Variants in MAP4K4 observed in about 807,000 individuals in gnomAD.
MAP4K4 encodes HPK/GCK-like kinase HGK.
In MAP4K4, 38 loss-of-function variants were observed where a neutral mutation model predicts 189.6. The observed-to-expected ratio is 0.20, with a 90% confidence interval of 0.15 to 0.26. The LOEUF is 0.26. MAP4K4 is among the 10% of genes least tolerant of loss of function. MAP4K4 has a pLI of 1.00. For missense variants in MAP4K4, 1,054 were observed against 1,726.9 expected (o/e 0.61, Z 6.91); for synonymous variants, 610 against 624.3 (o/e 0.98, Z 0.34).
chr2:101,890,694 G>A (rs994518887), intron 32 of MAP4K4, among the ~76,000 whole-genome samples: 1 of 151,814 alleles, frequency 6.6e-6, no homozygotes, highest in African/African-American at 2.4e-5. Flanking sequence ...TGACCTCATG[G>A]TCCGCCTACG....
At chr2:101,863,086 A>AT (rs2097712932) in intron 16 of MAP4K4, among the ~76,000 whole-genome samples, 2 of 152,308 alleles carry the variant, frequency 1.3e-5, no homozygotes, top group Admixed American at 1.3e-4. Context: ...TAATTGTCAT[A>AT]TTTTTGTAAT....
intron 2 of MAP4K4, among the ~76,000 whole-genome samples, chr2:101,700,170 G>T (rs969488778): frequency 2.0e-5 from 3 of 152,194 alleles, no homozygotes; most frequent in Non-Finnish European, 2.9e-5. Context: ...AAGCTAGAAG[G>T]CGATATAGTC....
At chr2:101,821,443 G>A (rs927968903) in intron 3 of MAP4K4, among the ~76,000 whole-genome samples, 2 of 152,168 alleles carry the variant, frequency 1.3e-5, no homozygotes, top group African/African-American at 4.8e-5. Flanking sequence ...CTGCAGACAT[G>A]TACAATATGC....
At chr2:101,860,215 T>G (rs555580712) in intron 15 of MAP4K4, 1 of 332,022 alleles carries the variant, frequency 3.0e-6, no homozygotes, top group African/African-American at 2.1e-5. Flanking sequence ...AAAGCTAAAG[T>G]GTGCCTGTGG....
At chr2:101,803,277 G>T (rs1444783369) in intron 3 of MAP4K4, among the ~76,000 whole-genome samples, 1 of 145,140 alleles carries the variant, frequency 6.9e-6, no homozygotes, top group South Asian at 2.1e-4. Context: ...GTATGTGTGT[G>T]TGTGTTTGTG....
exon 33 of MAP4K4, chr2:101,892,651 A>G: frequency 3.1e-6 from 1 of 320,856 alleles, no homozygotes; most frequent in South Asian, 2.5e-5. Context: ...AATTCTGCTT[A>G]TTCATAAAGT....
chr2:101,887,164 A>G (rs778889965), exon 30 of MAP4K4: 1 of 1,611,538 alleles, frequency 6.2e-7, no homozygotes, highest in Non-Finnish European at 8.5e-7. Flanking sequence ...AAAGTGATCT[A>G]TGGATCCTGT....
At chr2:101,841,192 C>A (rs140548248) in intron 10 of MAP4K4, among the ~76,000 whole-genome samples, 62 of 152,298 alleles carry the variant, frequency 4.1e-4, no homozygotes, top group African/African-American at 1.5e-3. Context: ...GTCACAGTGA[C>A]CTCTTCATTT....
intron 3 of MAP4K4, among the ~76,000 whole-genome samples, chr2:101,816,651 T>A (rs2095738569): frequency 6.6e-6 from 1 of 152,080 alleles, no homozygotes. Context: ...CTCCTTTTGC[T>A]CCGGGAATGA....
At chr2:101,864,873 T>C in intron 17 of MAP4K4, 57 bp from the exon 18 acceptor site, 1 of 1,119,544 alleles carries the variant, frequency 8.9e-7, no homozygotes, top group Non-Finnish European at 1.3e-6. Flanking sequence ...GGTAGGGAAG[T>C]ATTTTTTTTC....
chr2:101,824,014 C>T (rs558001974), exon 4 of MAP4K4: 2 of 1,605,098 alleles, frequency 1.2e-6, no homozygotes, highest in African/African-American at 2.7e-5. Context: ...ATGGTGCTTT[C>T]ATCAAAAAGA....
chr2:101,710,033 CCT>C (rs1382870050), intron 2 of MAP4K4, among the ~76,000 whole-genome samples: 9 of 152,254 alleles, frequency 5.9e-5, no homozygotes, highest in East Asian at 1.9e-4. Context: ...CCCTTCTCCC[CCT>C]GAGTTTTTCT....
At chr2:101,710,915 G>T (rs535079154) in intron 2 of MAP4K4, among the ~76,000 whole-genome samples, 2 of 152,142 alleles carry the variant, frequency 1.3e-5, no homozygotes, top group Non-Finnish European at 2.9e-5. Context: ...CATTCAGTTT[G>T]CCTTGAGCCA....
chr2:101,711,682 G>A (rs1271698636), intron 2 of MAP4K4, among the ~76,000 whole-genome samples: 2 of 151,908 alleles, frequency 1.3e-5, no homozygotes, highest in Non-Finnish European at 2.9e-5. Context: ...ACTGGAAAAT[G>A]GGACTTTGTA....
intron 13 of MAP4K4, among the ~76,000 whole-genome samples, chr2:101,857,621 A>G (rs910114183): frequency 1.3e-5 from 2 of 152,214 alleles, no homozygotes; most frequent in Non-Finnish European, 2.9e-5. Flanking sequence ...AGCATGTACC[A>G]TGGAGGGTCA....
chr2:101,766,543 A>G (rs2078696897), intron 2 of MAP4K4, among the ~76,000 whole-genome samples: 1 of 151,910 alleles, frequency 6.6e-6, no homozygotes, highest in African/African-American at 2.4e-5. Flanking sequence ...TGGTTGGGTA[A>G]TTTTGGAGGA....
intron 3 of MAP4K4, among the ~76,000 whole-genome samples, chr2:101,819,443 A>G (rs2095908636): frequency 6.6e-6 from 1 of 152,194 alleles, no homozygotes; most frequent in Admixed American, 6.5e-5. Context: ...TCAAGTGGGC[A>G]CTCATAATTG....
intron 2 of MAP4K4, among the ~76,000 whole-genome samples, chr2:101,766,507 A>G (rs1213556971): frequency 6.6e-6 from 1 of 152,180 alleles, no homozygotes; most frequent in Admixed American, 6.5e-5. Context: ...TTCATGCAAT[A>G]TAAATACAGT....
chr2:101,784,322 C>T (rs915852535), intron 2 of MAP4K4, among the ~76,000 whole-genome samples: 3 of 151,454 alleles, frequency 2.0e-5, no homozygotes, highest in Non-Finnish European at 4.4e-5. Context: ...TTAAACACCT[C>T]TTTAAATTAT....
Sources: gnomAD v4.1 joint callset for allele counts (sites outside exome capture counted in the v4.1 genomes callset) on GRCh38, gnomAD v4.1.1 for gene constraint, MANE v1.5 for transcripts, NCBI Gene and HGNC (gene_info 2026-07-23, HGNC 2026-07-21) for gene names.